The following GPM6A variants were observed in gnomAD, a reference collection of about 807,000 sequenced individuals.
GPM6A encodes the protein neuronal membrane glycoprotein M6-a.
A neutral mutation model predicts 32.1 loss-of-function variants in GPM6A; 7 were observed. That is an observed-to-expected ratio of 0.22 (90% CI 0.12 to 0.41). The LOEUF (loss-of-function observed/expected upper bound fraction) is 0.41, where lower values mean the gene tolerates loss of function less well. Ranked by LOEUF, GPM6A falls within the 10% of genes least tolerant of loss-of-function variation. The probability of loss-of-function intolerance (pLI) is 1.00; values close to 1 mark genes in which losing one functional copy is unlikely to be tolerated. For missense variants in GPM6A, 235 were observed against 347.2 expected, an observed-to-expected ratio of 0.68 and a Z score of 2.57; for synonymous variants, 130 against 123.4, an observed-to-expected ratio of 1.05 and a Z score of -0.35.
intron 3 of GPM6A, among the ~76,000 whole-genome samples, chr4:175,668,287 C>G (rs968087759): frequency 6.6e-6 from 1 of 152,008 alleles, no homozygotes; most frequent in African/African-American, 2.4e-5. Flanking sequence ...ATACTTGCAG[C>G]AAATAAAATC....
intron 1 of GPM6A, among the ~76,000 whole-genome samples, chr4:175,911,337 A>G (rs959045695): frequency 1.3e-5 from 2 of 152,184 alleles, no homozygotes; most frequent in East Asian, 3.9e-4. Context: ...TCTCAAAAAT[A>G]TAATACGTTT....
intron 1 of GPM6A, among the ~76,000 whole-genome samples, chr4:175,831,713 C>CTTTTTTTT (rs1560955800): frequency 3.0e-5 from 1 of 32,810 alleles, no homozygotes; most frequent in Non-Finnish European, 6.7e-5. Context: ...ATTTAGCCAT[C>CTTTTTTTT]TCTTTTTTTT....
chr4:175,793,950 C>T (rs546482104), intron 1 of GPM6A, among the ~76,000 whole-genome samples: 7 of 152,104 alleles, frequency 4.6e-5, no homozygotes, highest in Non-Finnish European at 7.4e-5. Context: ...TTAGTCTTTG[C>T]TCATTTTACT....
intron 1 of GPM6A, among the ~76,000 whole-genome samples, chr4:175,782,916 T>A (rs1160397476): frequency 1.3e-5 from 2 of 151,414 alleles, no homozygotes; most frequent in Non-Finnish European, 3.0e-5. Context: ...CTGAGTAAAA[T>A]TAACACAGAC....
chr4:175,955,213 C>A (rs1739946545), intron 1 of GPM6A, among the ~76,000 whole-genome samples: 1 of 152,204 alleles, frequency 6.6e-6, no homozygotes, highest in Non-Finnish European at 1.5e-5. Context: ...TTCCAACAAG[C>A]CCACATACCA....
chr4:175,976,216 GCTGCAAGCTGCACTCGGCTCA>G (rs1445398983), intron 1 of GPM6A, among the ~76,000 whole-genome samples: 2 of 149,240 alleles, frequency 1.3e-5, no homozygotes, highest in African/African-American at 2.5e-5. Context: ...CTGGAGTGCA[GCTGCAAGCTGCACTCGGCTCA>G]CTGCAAGCTC....
chr4:175,814,297 AAAC>A (rs2111337291), upstream of GPM6A, among the ~76,000 whole-genome samples: 1 of 152,336 alleles, frequency 6.6e-6, no homozygotes, highest in South Asian at 2.1e-4. Flanking sequence ...TGAAAACAAA[AAAC>A]AAAAAACACG....
chr4:175,871,693 A>G (rs1736914665), intron 1 of GPM6A, among the ~76,000 whole-genome samples: 1 of 152,100 alleles, frequency 6.6e-6, no homozygotes, highest in Admixed American at 6.6e-5. Flanking sequence ...AGGGTTATCT[A>G]TGCTGTTACT....
intron 1 of GPM6A, among the ~76,000 whole-genome samples, chr4:175,959,293 G>A (rs537208548): frequency 3.3e-5 from 5 of 152,100 alleles, no homozygotes; most frequent in South Asian, 4.2e-4. Context: ...ACAGCTTAAC[G>A]TTATACACAT....
intron 1 of GPM6A, among the ~76,000 whole-genome samples, chr4:175,703,402 C>T (rs557209677): frequency 6.6e-6 from 1 of 152,226 alleles, no homozygotes; most frequent in South Asian, 2.1e-4. Context: ...AAACCTTGAC[C>T]TCAAGTGATC....
intron 1 of GPM6A, among the ~76,000 whole-genome samples, chr4:175,868,967 A>G (rs920006296): frequency 5.9e-5 from 9 of 152,204 alleles, no homozygotes; most frequent in Middle Eastern, 6.3e-3. Flanking sequence ...GAGTTGGTCT[A>G]CACTAATTCC....
At chr4:175,924,139 G>C (rs1296365778) in intron 1 of GPM6A, among the ~76,000 whole-genome samples, 1 of 152,150 alleles carries the variant, frequency 6.6e-6, no homozygotes, top group Non-Finnish European at 1.5e-5. Flanking sequence ...TTAGTAGCGT[G>C]TGGGAATCTT....
intron 1 of GPM6A, among the ~76,000 whole-genome samples, chr4:175,878,753 G>A (rs1433057101): frequency 1.3e-5 from 2 of 152,096 alleles, no homozygotes; most frequent in African/African-American, 4.8e-5. Context: ...CTCATTACTT[G>A]TGCAAATTTC....
At chr4:175,937,807 A>T (rs1262791896) in intron 1 of GPM6A, among the ~76,000 whole-genome samples, 1 of 152,162 alleles carries the variant, frequency 6.6e-6, no homozygotes, top group East Asian at 1.9e-4. Flanking sequence ...AAAATATTAA[A>T]GTAAAAACAC....
At chr4:175,963,085 T>TG in intron 1 of GPM6A, among the ~76,000 whole-genome samples, 1 of 150,792 alleles carries the variant, frequency 6.6e-6, no homozygotes, top group Non-Finnish European at 1.5e-5. Flanking sequence ...TCAGTAAGCT[T>TG]GAAAAAAAAG....
intron 1 of GPM6A, among the ~76,000 whole-genome samples, chr4:175,900,101 T>C (rs937271810): frequency 6.6e-6 from 1 of 151,710 alleles, no homozygotes; most frequent in Non-Finnish European, 1.5e-5. Context: ...TGAAACCCTG[T>C]CTCTACTAAA....
intron 1 of GPM6A, among the ~76,000 whole-genome samples, chr4:175,737,275 T>C (rs1731698768): frequency 6.6e-6 from 1 of 152,078 alleles, no homozygotes; most frequent in Non-Finnish European, 1.5e-5. Context: ...TGGCTCATGA[T>C]TCTGCAGGTC....
chr4:175,947,455 ATATT>A (rs1480332411), intron 1 of GPM6A, among the ~76,000 whole-genome samples: 1 of 152,080 alleles, frequency 6.6e-6, no homozygotes, highest in African/African-American at 2.4e-5. Flanking sequence ...CTTAAGAATA[ATATT>A]TATTAAGTGT....
intron 1 of GPM6A, among the ~76,000 whole-genome samples, chr4:175,950,327 T>C (rs1205028669): frequency 9.9e-5 from 15 of 152,218 alleles, no homozygotes; most frequent in Admixed American, 6.5e-5. Flanking sequence ...ATTATTTTAA[T>C]GGCTTTATTA....
Sources: allele counts gnomAD v4.1 joint callset (sites outside exome capture counted in the v4.1 genomes callset), GRCh38; gene constraint gnomAD v4.1.1; transcripts MANE v1.5; gene names NCBI Gene and HGNC (gene_info 2026-07-23, HGNC 2026-07-21).